The following TDP1 variants were observed in gnomAD, a reference collection of about 807,000 sequenced individuals.
The protein encoded by TDP1 is tyr-DNA phosphodiesterase 1.
TDP1 carries 64 observed loss-of-function variants against 81.5 expected under a neutral mutation model. The observed-to-expected ratio is 0.79, with a 90% CI of 0.64 to 0.97. The LOEUF (loss-of-function observed/expected upper bound fraction) is 0.97, where lower values mean the gene tolerates loss of function less well. Among genes scored for constraint, TDP1 ranks in the 50% least tolerant of loss-of-function variants. The pLI is 0.00. For synonymous variants in TDP1, 256 were observed against 264.3 expected, an observed-to-expected ratio of 0.97 and a Z score of 0.30; for missense variants, 723 against 743.8, an observed-to-expected ratio of 0.97 and a Z score of 0.33.
chr14:90,015,223 G>A (rs1405792855), intron 14 of TDP1, among the ~76,000 whole-genome samples: 1 of 152,180 alleles, frequency 6.6e-6, no homozygotes, highest in African/African-American at 2.4e-5. Flanking sequence ...CTGATTCAGG[G>A]TCCAGGGCTC....
rs1327664972 is a variant in TDP1 at position 90,033,180 on chromosome 14, A to G, written c.1719A>G (p.Pro573=). The change falls in exon 16 of 17, where the codon CCA becomes CCG. Residue 573 remains proline (P), a synonymous_variant. Coordinates refer to ENST00000335725, the MANE Select transcript of TDP1 (RefSeq NM_018319.4). ...SQEPMATFPV[P]YDLPPELYGS... ...AGCCAATGGCCACCTTTCCTGTGCCATATGATTTGCCTCCAGAACTGTATG... is the reference window on the plus strand; with the variant it reads ...AGCCAATGGCCACCTTTCCTGTGCCGTATGATTTGCCTCCAGAACTGTATG... 6.2e-7 allele frequency: 1 copy of G among 1,612,636 alleles called. No individual in the cohort carries two copies.
chr14:89,980,568 G>T lies in TDP1; in HGVS notation c.820G>T (p.Gly274Cys), dbSNP rs1252078966. The T allele has an allele frequency of 6.2e-7, 1 of 1,613,994 alleles. No homozygotes were observed. The highest frequency in any genetic ancestry group is 1.3e-5 in the African/African-American group (1 of 74,902). ...AATGATGCTGCTGCTCTATGAAGAAGGCCTCCGGGTTGTCATACACACCTC... is the reference window on the plus strand; with the variant it reads ...AATGATGCTGCTGCTCTATGAAGAATGCCTCCGGGTTGTCATACACACCTC... Reference protein sequence around the residue: ...TKMMLLLYEEGLRVVIHTSNL... With the variant: ...TKMMLLLYEECLRVVIHTSNL... The change falls in exon 8 of 17, where the codon GGC (glycine) becomes TGC (cysteine). Residue 274 changes from glycine to cysteine, a missense_variant. Gly to Cys is a radical substitution (Grantham distance 159, BLOSUM62 -3). Coordinates refer to ENST00000335725, the MANE Select transcript of TDP1 (RefSeq NM_018319.4).
chr14:90,029,674 T>A (rs1887060822), intron 15 of TDP1, among the ~76,000 whole-genome samples: 1 of 151,676 alleles, frequency 6.6e-6, no homozygotes, highest in Non-Finnish European at 1.5e-5. Flanking sequence ...AATTTTTGTA[T>A]TTTTAGTAGA....
intron 2 of TDP1, chr14:89,962,796 C>G (rs1436197345): frequency 2.6e-6 from 1 of 379,942 alleles, no homozygotes; most frequent in Non-Finnish European, 3.6e-6. Flanking sequence ...TGCTTGAGCC[C>G]AGGAGGCAGA....
At chr14:90,006,687 C>T (rs1407657602) in intron 14 of TDP1, among the ~76,000 whole-genome samples, 2 of 152,150 alleles carry the variant, frequency 1.3e-5, no homozygotes, top group Non-Finnish European at 2.9e-5. Context: ...CAGGTGCCCG[C>T]GACCAAGCCT....
chr14:90,023,188 T>C (rs1012294164), intron 15 of TDP1: 2 of 696,974 alleles, frequency 2.9e-6, no homozygotes, highest in African/African-American at 1.7e-5. Flanking sequence ...GACCATGTGG[T>C]CTGCCCGGGG....
chr14:89,991,787 C>T, intron 12 of TDP1, 130 bp from the exon 13 acceptor site: 1 of 1,209,934 alleles, frequency 8.3e-7, no homozygotes. Context: ...AATAACTATT[C>T]TATAAGATGA....
chr14:90,020,478 C>CCCTT (rs1885867180), intron 15 of TDP1, among the ~76,000 whole-genome samples: 6 of 55,390 alleles, frequency 1.1e-4, no homozygotes, highest in African/African-American at 3.8e-4. Flanking sequence ...CTTTTTCCTT[C>CCCTT]CCTCCCTCCC....
rs920695825 is a variant in TDP1 at position 90,044,502 on chromosome 14, G to A, written c.*1359G>A. 3 of 152,142 alleles carry A rather than the reference G, an allele frequency of 2.0e-5. No homozygotes were observed. The highest frequency in any genetic ancestry group is 6.5e-5 in the Admixed American group (1 of 15,268). 9.4% of individuals were successfully genotyped at this position (152,142 alleles called of 1,614,324 possible). On this transcript the variant is annotated 3_prime_UTR_variant, in exon 17 of 17. Transcript: ENST00000335725. ...ATAGAGTTGAACGTTAGTCTTGAAAGATTTTCTAAAGTAGTCTTTCAAACT... is the reference window on the plus strand; with the variant it reads ...ATAGAGTTGAACGTTAGTCTTGAAAAATTTTCTAAAGTAGTCTTTCAAACT...
At chr14:90,027,737 C>G (rs1423957451) in intron 15 of TDP1, among the ~76,000 whole-genome samples, 1 of 152,196 alleles carries the variant, frequency 6.6e-6, no homozygotes, top group African/African-American at 2.4e-5. Context: ...TAGATTTGGC[C>G]TCCTTATTCT....
chr14:90,004,688 A>G (rs1265530292), intron 14 of TDP1, among the ~76,000 whole-genome samples: 1 of 152,156 alleles, frequency 6.6e-6, no homozygotes, highest in Non-Finnish European at 1.5e-5. Context: ...GCTCTCATGA[A>G]CTTGCCTTCT....
chr14:90,031,668 G>T lies in TDP1; in HGVS notation c.1645-1438G>T, dbSNP rs541104537. On this transcript the variant is annotated intron_variant, in intron 15 of 16. Transcript: ENST00000335725. ...TGAGACTCTGTCTCCAAAAAACAAA[G>T]AAACCTAATAAAAGTGGCCAACTGT... 6.6e-5 allele frequency among the ~76,000 whole-genome samples: 10 copies of T among 151,934 alleles called. 1 individual carries two copies. The South Asian group carries it at 2.1e-3, about 32-fold the overall frequency.
Position 89,999,576 on chromosome 14 carries a change from G to T in TDP1, c.1541+6093G>T, listed in dbSNP as rs111558577. On this transcript the variant is annotated intron_variant, in intron 14 of 16. Coordinates refer to ENST00000335725, the MANE Select transcript of TDP1 (RefSeq NM_018319.4). ...TGAATAACCCACTCCTCTTTATTAA[G>T]TACAATAAAATTAAAACAAATTCCC... is the stretch of plus-strand genomic sequence containing the variant. 6.0e-3 allele frequency among the ~76,000 whole-genome samples: 908 copies of T among 152,194 alleles called. 6 individuals carry two copies. The highest frequency in any genetic ancestry group is 0.021 in the African/African-American group (871 of 41,508).
intron 15 of TDP1, among the ~76,000 whole-genome samples, chr14:90,020,135 CAGA>C (rs1162136315): frequency 6.6e-6 from 1 of 152,126 alleles, no homozygotes; most frequent in African/African-American, 2.4e-5. Flanking sequence ...GTCCAAACAC[CAGA>C]AGGAGTGGCT....
chr14:90,008,196 A>G (rs927148386), intron 14 of TDP1, among the ~76,000 whole-genome samples: 5 of 152,078 alleles, frequency 3.3e-5, no homozygotes, highest in African/African-American at 1.2e-4. Context: ...ACCCTCTCTC[A>G]CTTCCTTCTT....
At chr14:90,016,502 C>T (rs562518339) in intron 14 of TDP1, among the ~76,000 whole-genome samples, 5 of 152,332 alleles carry the variant, frequency 3.3e-5, no homozygotes, top group African/African-American at 1.2e-4. Context: ...AAGACATCCA[C>T]ACCTCCAGTG....
intron 2 of TDP1, among the ~76,000 whole-genome samples, chr14:89,962,481 G>A (rs558199103): frequency 1.5e-4 from 23 of 152,194 alleles, no homozygotes; most frequent in Middle Eastern, 6.8e-3. Flanking sequence ...GAAGTTTCGG[G>A]GTCAAGAATG....
Position 89,978,438 on chromosome 14 carries a change from T to C in TDP1, c.792-2102T>C, listed in dbSNP as rs77226866. ...ACCTGGTAGAGAGGTGCTTGCCATA[T>C]GTTAGTTCTCTTCCCCCTTTGCAGG... is the stretch of plus-strand genomic sequence containing the variant. On this transcript the variant is annotated intron_variant, in intron 7 of 16. Coordinates refer to ENST00000335725, the MANE Select transcript of TDP1 (RefSeq NM_018319.4). Among the ~76,000 whole-genome samples, 317 of 152,362 alleles carry C rather than the reference T, an allele frequency of 2.1e-3. 9 individuals carry two copies. The East Asian group carries it at 0.058, about 28-fold the overall frequency.
In TDP1 at chr14:90,023,695, C is replaced by CT. The variant is rs1030188595; in HGVS notation, c.1644+4286dup. On this transcript the variant is annotated intron_variant, in intron 15 of 16. Transcript: ENST00000335725. Reference sequence around the variant, plus strand: ...ACCTCACTCTCTTGGCACGTCTTTTCTTTTTTTTTCCTTTGAGACAGGCTC... The same window carrying CT: ...ACCTCACTCTCTTGGCACGTCTTTTCTTTTTTTTTTCCTTTGAGACAGGCTC... Among the ~76,000 whole-genome samples, 28 of 151,452 alleles carry CT rather than the reference C, an allele frequency of 1.8e-4. No homozygotes were observed. In the East Asian group the frequency reaches 2.3e-3, roughly 13 times the overall value.
Sources: allele counts gnomAD v4.1 joint callset (sites outside exome capture counted in the v4.1 genomes callset), GRCh38; gene constraint gnomAD v4.1.1; transcripts MANE v1.5; gene names NCBI Gene and HGNC (gene_info 2026-07-23, HGNC 2026-07-21).